Variants in ZBTB16 observed in about 807,000 individuals in gnomAD.
The protein encoded by ZBTB16 is zinc finger and BTB domain-containing protein 16.
In ZBTB16, 8 loss-of-function variants were observed where a neutral mutation model predicts 56.8. The ratio of observed to expected loss-of-function variants is 0.14; its 90% CI spans 0.08 to 0.25. The LOEUF is 0.25. Ranked by LOEUF, ZBTB16 falls within the 10% of genes least tolerant of loss-of-function variation. The pLI is 1.00. For missense variants in ZBTB16, 625 were observed against 903.0 expected (o/e 0.69, Z 3.95); for synonymous variants, 363 against 368.5 (o/e 0.98, Z 0.17).
At chr11:114,185,413 C>T (rs574048494) in intron 3 of ZBTB16, among the ~76,000 whole-genome samples, 3 of 152,228 alleles carry the variant, frequency 2.0e-5, no homozygotes, top group Admixed American at 6.5e-5. Flanking sequence ...GTAAGTGGTG[C>T]CCAGAGAGGG....
intron 2 of ZBTB16, among the ~76,000 whole-genome samples, chr11:114,117,899 G>C: frequency 6.6e-6 from 1 of 152,194 alleles, no homozygotes; most frequent in Admixed American, 6.5e-5. Context: ...CTTCATTCAT[G>C]TGTGTGCTGA....
intron 4 of ZBTB16, among the ~76,000 whole-genome samples, chr11:114,218,618 C>T (rs1471497007): frequency 6.6e-6 from 1 of 152,160 alleles, no homozygotes; most frequent in African/African-American, 2.4e-5. Context: ...AAGATCAGAC[C>T]TTTCTAAATA....
chr11:114,178,202 G>A (rs484382), intron 3 of ZBTB16, among the ~76,000 whole-genome samples: 26,704 of 152,102 alleles, frequency 0.18, 2,680 homozygotes, highest in African/African-American at 0.28. Flanking sequence ...TGATGTTTGT[G>A]TGTGTCTTAT....
intron 3 of ZBTB16, among the ~76,000 whole-genome samples, 173 bp downstream of exon 3, chr11:114,156,607 G>C (rs1352665471): frequency 6.6e-6 from 1 of 152,152 alleles, no homozygotes; most frequent in Non-Finnish European, 1.5e-5. Context: ...GATCCATCCT[G>C]ATGGCGGGGC....
At chr11:114,085,284 C>G (rs554372398) in intron 2 of ZBTB16, among the ~76,000 whole-genome samples, 1 of 152,164 alleles carries the variant, frequency 6.6e-6, no homozygotes, top group Non-Finnish European at 1.5e-5. Context: ...CATTTAAGAA[C>G]GTTAATGAAG....
At chr11:114,235,242 G>A (rs563144863) in intron 4 of ZBTB16, among the ~76,000 whole-genome samples, 6 of 152,286 alleles carry the variant, frequency 3.9e-5, no homozygotes, top group South Asian at 2.1e-4. Flanking sequence ...GAGCACACAC[G>A]GGCATGCACA....
Position 114,254,149 on chromosome 11 carries a change from T to A in ZBTB16, c.*3594T>A, listed in dbSNP as rs1177780147. Among the ~76,000 whole-genome samples the A allele has an allele frequency of 6.6e-6, 1 of 152,074 alleles. No homozygotes were observed. The highest frequency in any genetic ancestry group is 2.4e-5 in the African/African-American group (1 of 41,398). ...TCATTCAAAGCATTAAAATCCTATGTATATATAGGATAGACAAATATATAG... is the reference window on the plus strand; with the variant it reads ...TCATTCAAAGCATTAAAATCCTATGAATATATAGGATAGACAAATATATAG... On this transcript the variant is annotated 3_prime_UTR_variant, in exon 7 of 7. Coordinates refer to ENST00000335953, the MANE Select transcript of ZBTB16 (RefSeq NM_006006.6).
intron 2 of ZBTB16, among the ~76,000 whole-genome samples, chr11:114,115,764 C>T (rs1315645490): frequency 1.3e-5 from 2 of 152,196 alleles, no homozygotes; most frequent in East Asian, 1.9e-4. Context: ...TGGCTGTCCT[C>T]CGCTGACGGC....
chr11:114,209,606 TG>T (rs1298207387), intron 4 of ZBTB16: 6 of 985,274 alleles, frequency 6.1e-6, no homozygotes, highest in Non-Finnish European at 7.2e-6. Flanking sequence ...ACTGCCTCCC[TG>T]GGGGGCTCTC....
rs1441897819 is a variant in ZBTB16, at chr11:114,255,198, A to T, written c.*4643A>T. 6.6e-6 allele frequency among the ~76,000 whole-genome samples: 1 copy of T among 151,882 alleles called. No individual in the cohort carries two copies. The highest frequency in any genetic ancestry group is 2.4e-5 in the African/African-American group (1 of 41,324). On this transcript the variant is annotated 3_prime_UTR_variant, in exon 7 of 7. Transcript: ENST00000335953. ...AACTAAGCCTTTTGGTTTGGGTATT[A>T]TGTTTCGTTTTGTTATTTGTTTGTT...
At chr11:114,142,294 C>G (rs1452507268) in intron 2 of ZBTB16, among the ~76,000 whole-genome samples, 52 of 152,342 alleles carry the variant, frequency 3.4e-4, no homozygotes, top group African/African-American at 1.2e-3. Flanking sequence ...CACCCCCTTC[C>G]CCAGTAGCTC....
chr11:114,199,288 A>C (rs1386566342), intron 4 of ZBTB16, among the ~76,000 whole-genome samples: 2 of 149,338 alleles, frequency 1.3e-5, no homozygotes, highest in African/African-American at 5.0e-5. Context: ...AGGGACGGGG[A>C]TGCCGGACAT....
intron 2 of ZBTB16, among the ~76,000 whole-genome samples, chr11:114,116,290 T>G (rs542007609): frequency 2.7e-4 from 41 of 152,334 alleles, no homozygotes; most frequent in Non-Finnish European, 4.6e-4. Context: ...ATTTTAATCC[T>G]TGGGTATAGA....
At chr11:114,115,174 T>C (rs1186297128) in intron 2 of ZBTB16, among the ~76,000 whole-genome samples, 1 of 152,198 alleles carries the variant, frequency 6.6e-6, no homozygotes, top group African/African-American at 2.4e-5. Flanking sequence ...AGCCTTTTAC[T>C]ACCATCTTTG....
intron 4 of ZBTB16, among the ~76,000 whole-genome samples, chr11:114,224,167 A>C (rs971005087): frequency 2.0e-5 from 3 of 152,238 alleles, no homozygotes; most frequent in Non-Finnish European, 2.9e-5. Context: ...AGCTGAAGGC[A>C]GGGAGATTGG....
chr11:114,124,555 AC>A (rs113744993), intron 2 of ZBTB16, among the ~76,000 whole-genome samples: 41,552 of 122,170 alleles, frequency 0.34, 6,220 homozygotes, highest in African/African-American at 0.35. Flanking sequence ...AAAAAAAAAA[AC>A]CAAAAAAAAA....
chr11:114,089,283 T>C (rs1311124296), intron 2 of ZBTB16, among the ~76,000 whole-genome samples: 1 of 152,226 alleles, frequency 6.6e-6, no homozygotes, highest in Admixed American at 6.5e-5. Flanking sequence ...TTGTACATTA[T>C]AGGTATTCAG....
chr11:114,220,781 C>T (rs1944213858), intron 4 of ZBTB16, among the ~76,000 whole-genome samples: 1 of 152,202 alleles, frequency 6.6e-6, no homozygotes, highest in Non-Finnish European at 1.5e-5. Context: ...CATGACTTCC[C>T]TCTAGGGACG....
chr11:114,088,066 C>T (rs1940026309), intron 2 of ZBTB16, among the ~76,000 whole-genome samples: 1 of 151,976 alleles, frequency 6.6e-6, no homozygotes, highest in Non-Finnish European at 1.5e-5. Flanking sequence ...TTCCTCCTTG[C>T]ATCCAGTTGG....
Sources: gnomAD v4.1 joint callset for allele counts (sites outside exome capture counted in the v4.1 genomes callset) on GRCh38, gnomAD v4.1.1 for gene constraint, MANE v1.5 for transcripts, NCBI Gene and HGNC (gene_info 2026-07-23, HGNC 2026-07-21) for gene names.